TCF4: variants seen among roughly 807,000 people sequenced by gnomAD.
TCF4 encodes the protein transcription factor 4, also known as SL3-3 enhancer factor 2.
In TCF4, 3 loss-of-function variants were observed where a neutral mutation model predicts 82.1. The observed-to-expected ratio is 0.04, with a 90% CI of 0.02 to 0.09. The LOEUF (loss-of-function observed/expected upper bound fraction) is 0.09, where lower values mean the gene tolerates loss of function less well. Ranked by LOEUF, TCF4 falls within the 10% of genes least tolerant of loss-of-function variation. The pLI, the probability that TCF4 is intolerant of heterozygous loss-of-function variation, is 1.00. For missense variants in TCF4, 518 were observed against 852.7 expected (o/e 0.61, Z 4.89); for synonymous variants, 276 against 309.6 (o/e 0.89, Z 1.14).
At chr18:55,462,025 C>G (rs1347081565) in intron 4 of TCF4, among the ~76,000 whole-genome samples, 1 of 152,118 alleles carries the variant, frequency 6.6e-6, no homozygotes, top group Non-Finnish European at 1.5e-5. Flanking sequence ...CCATGAAAGT[C>G]TAAGTCAAAT....
intron 1 of TCF4, 174 bp from the exon 2 acceptor site, chr18:55,587,310 T>G: frequency 2.3e-6 from 1 of 439,914 alleles, no homozygotes. Flanking sequence ...TGGTTTTGTT[T>G]TTTTAAGATG....
intron 3 of TCF4, among the ~76,000 whole-genome samples, chr18:55,561,508 C>A (rs771950586): frequency 6.6e-6 from 1 of 152,080 alleles, no homozygotes; most frequent in African/African-American, 2.4e-5. Context: ...CAGTGCTATA[C>A]GATGCAAAAT....
chr18:55,556,636 T>A (rs1164621466), intron 3 of TCF4, among the ~76,000 whole-genome samples: 1 of 152,228 alleles, frequency 6.6e-6, no homozygotes, highest in Admixed American at 6.5e-5. Flanking sequence ...ATTACAGGCA[T>A]AAGCCAATAC....
intron 13 of TCF4, among the ~76,000 whole-genome samples, chr18:55,258,505 A>C (rs1028210507): frequency 2.0e-5 from 3 of 152,138 alleles, no homozygotes; most frequent in Non-Finnish European, 4.4e-5. Context: ...AACTGTGAGC[A>C]CCAGATTTTT....
At chr18:55,364,837 T>C (rs986783912) in intron 6 of TCF4, among the ~76,000 whole-genome samples, 13 of 152,092 alleles carry the variant, frequency 8.5e-5, no homozygotes, top group African/African-American at 2.9e-4. Flanking sequence ...ATGGAGACTG[T>C]CATTATTTAT....
chr18:55,353,007 C>T (rs1362959578), intron 6 of TCF4, among the ~76,000 whole-genome samples: 1 of 152,090 alleles, frequency 6.6e-6, no homozygotes, highest in Admixed American at 6.6e-5. Flanking sequence ...ACCCCTATTT[C>T]TTCATTTTTC....
intron 15 of TCF4, 104 bp from the exon 16 acceptor site, chr18:55,234,787 T>C (rs1175310442): frequency 1.9e-6 from 3 of 1,566,042 alleles, no homozygotes; most frequent in Non-Finnish European, 2.6e-6. Flanking sequence ...TCAAAAACCA[T>C]ACTCCCAAAC....
intron 6 of TCF4, among the ~76,000 whole-genome samples, chr18:55,365,191 A>ATATATATGTGTG (rs1361444592): frequency 5.1e-5 from 5 of 97,940 alleles, no homozygotes; most frequent in African/African-American, 1.5e-4. Context: ...ATATATATAT[A>ATATATATGTGTG]TGTGTGTGTG....
At chr18:55,538,026 GCACACACACACACACACACACA>G (rs57686777) in intron 3 of TCF4, among the ~76,000 whole-genome samples, 13 of 131,574 alleles carry the variant, frequency 9.9e-5, no homozygotes, top group African/African-American at 3.5e-4. Flanking sequence ...CTGCGCGCGC[GCACACACACACACACACACACA>G]CACACACACA....
At position 55,228,367 on chromosome 18, in the gene TCF4, G is replaced by A. The variant is rs1458732449; in HGVS notation, c.1880-6C>T. On this transcript the variant is annotated splice_polypyrimidine_tract_variant and splice_region_variant and intron_variant, in intron 18 of 19. Coordinates refer to ENST00000354452, the MANE Select transcript of TCF4 (RefSeq NM_001083962.2). ...TTTCGGATTCAGATTCCTTTCTGTG[G>A]AGGATTAAAGCACAGAACCTTTGTT... 6 of 1,613,680 alleles carry A rather than the reference G, an allele frequency of 3.7e-6. No individual in the cohort carries two copies. In the East Asian group the frequency reaches 6.7e-5, roughly 18 times the overall value.
At chr18:55,472,502 A>G (rs1017079562) in intron 3 of TCF4, among the ~76,000 whole-genome samples, 8 of 152,190 alleles carry the variant, frequency 5.3e-5, no homozygotes, top group Non-Finnish European at 8.8e-5. Context: ...CTTCCTCTTG[A>G]AGAGAAGTTA....
intron 3 of TCF4, chr18:55,510,867 T>C (rs1393886901): frequency 6.5e-6 from 5 of 772,362 alleles, no homozygotes; most frequent in South Asian, 5.6e-5. Flanking sequence ...ATTTGAACAA[T>C]AGCAGACCTT....
At chr18:55,305,239 G>A (rs1387158770) in intron 8 of TCF4, among the ~76,000 whole-genome samples, 1 of 152,060 alleles carries the variant, frequency 6.6e-6, no homozygotes, top group African/African-American at 2.4e-5. Context: ...AAGGCTGAAA[G>A]GCACATTGAC....
At chr18:55,364,834 C>T (rs1457165269) in intron 6 of TCF4, among the ~76,000 whole-genome samples, 3 of 152,046 alleles carry the variant, frequency 2.0e-5, no homozygotes, top group Admixed American at 6.6e-5. Context: ...CACATGGAGA[C>T]TGTCATTATT....
chr18:55,341,457 G>A (rs912729124), intron 8 of TCF4, among the ~76,000 whole-genome samples: 3 of 152,184 alleles, frequency 2.0e-5, no homozygotes, highest in Non-Finnish European at 2.9e-5. Context: ...TTTGTTATCA[G>A]TATATTGACA....
At chr18:55,401,301 G>GT (rs899911380) in intron 6 of TCF4, 21 of 1,177,806 alleles carry the variant, frequency 1.8e-5, no homozygotes, top group African/African-American at 1.6e-5. Context: ...TAATCACACT[G>GT]TTTATGGAGA....
intron 6 of TCF4, among the ~76,000 whole-genome samples, chr18:55,369,489 T>C (rs1041970311): frequency 6.6e-6 from 1 of 152,184 alleles, no homozygotes; most frequent in Non-Finnish European, 1.5e-5. Flanking sequence ...GCCAGTTTCC[T>C]TTTCAAGTTA....
intron 15 of TCF4, among the ~76,000 whole-genome samples, chr18:55,252,552 AAAAGGAGTCAATTC>A (rs2055553258): frequency 6.6e-6 from 1 of 152,146 alleles, no homozygotes; most frequent in Non-Finnish European, 1.5e-5. Flanking sequence ...ATCTGACTCA[AAAAGGAGTCAATTC>A]AAAGGTCAAA....
chr18:55,403,556 T>C (rs757258548), intron 5 of TCF4, 38 bp from the exon 6 acceptor site: 5 of 1,613,756 alleles, frequency 3.1e-6, no homozygotes, highest in Non-Finnish European at 4.2e-6. Context: ...AAATTGTGTT[T>C]TTCCTTAAAA....
Sources: gnomAD v4.1 joint callset for allele counts (sites outside exome capture counted in the v4.1 genomes callset) on GRCh38, gnomAD v4.1.1 for gene constraint, MANE v1.5 for transcripts, NCBI Gene and HGNC (gene_info 2026-07-23, HGNC 2026-07-21) for gene names.